MMRN1: variants seen among roughly 807,000 people sequenced by gnomAD.
MMRN1 encodes multimerin 1, also known as multimerin-1.
A neutral mutation model predicts 100.7 loss-of-function variants in MMRN1; 94 were observed. The ratio of observed to expected loss-of-function variants is 0.93; its 90% CI spans 0.79 to 1.11. The LOEUF (loss-of-function observed/expected upper bound fraction) is 1.11, where lower values mean the gene tolerates loss of function less well. Among genes scored for constraint, MMRN1 ranks in the 50% least tolerant of loss-of-function variants. The pLI is 0.00. For synonymous variants in MMRN1, 575 were observed against 505.0 expected (o/e 1.14, Z -1.86); for missense variants, 1,606 against 1,439.1 (o/e 1.12, Z -1.88).
At chr4:89,907,874 C>T (rs2110593625) in intron 1 of MMRN1, among the ~76,000 whole-genome samples, 1 of 144,844 alleles carries the variant, frequency 6.9e-6, no homozygotes. Context: ...ATATACTGGT[C>T]CTGTTTTGCT....
chr4:89,894,350 T>C (rs1186447255), upstream of MMRN1, among the ~76,000 whole-genome samples: 1 of 152,180 alleles, frequency 6.6e-6, no homozygotes, highest in Non-Finnish European at 1.5e-5. Context: ...TAGAAAGATA[T>C]ACATGTATGT....
intron 3 of MMRN1, among the ~76,000 whole-genome samples, chr4:89,914,979 T>A (rs1164750414): frequency 6.6e-6 from 1 of 151,614 alleles, no homozygotes; most frequent in Non-Finnish European, 1.5e-5. Context: ...AGGTATCTTA[T>A]AACATTCTGT....
chr4:89,939,452 AT>A (rs1348283550), intron 6 of MMRN1, among the ~76,000 whole-genome samples: 5 of 152,164 alleles, frequency 3.3e-5, no homozygotes, highest in African/African-American at 1.2e-4. Context: ...ATTGGTTAGT[AT>A]TCATTAACAT....
At chr4:89,931,617 TG>T (rs1354949423) in intron 5 of MMRN1, among the ~76,000 whole-genome samples, 1 of 152,158 alleles carries the variant, frequency 6.6e-6, no homozygotes. Context: ...TCCACATGGC[TG>T]GGGAGGCCTC....
chr4:89,951,022 CATG>C (rs1177793997), intron 6 of MMRN1, among the ~76,000 whole-genome samples: 1 of 152,014 alleles, frequency 6.6e-6, no homozygotes, highest in African/African-American at 2.4e-5. Context: ...TTAGGTCAAA[CATG>C]ATAATGTTTT....
intron 5 of MMRN1, among the ~76,000 whole-genome samples, chr4:89,931,932 C>A (rs1722452843): frequency 6.6e-6 from 1 of 152,114 alleles, no homozygotes; most frequent in Non-Finnish European, 1.5e-5. Context: ...ATTTCAAAAC[C>A]AATCATGCCT....
intron 1 of MMRN1, among the ~76,000 whole-genome samples, chr4:89,887,072 G>A (rs956113681): frequency 2.0e-5 from 3 of 152,014 alleles, no homozygotes; most frequent in African/African-American, 4.8e-5. Flanking sequence ...GAGAGCAAAT[G>A]TTTTAGCTCC....
intron 1 of MMRN1, among the ~76,000 whole-genome samples, chr4:89,897,519 A>G (rs1333916029): frequency 1.3e-5 from 2 of 152,130 alleles, no homozygotes; most frequent in Non-Finnish European, 1.5e-5. Context: ...GAATTTTTTA[A>G]TAGAAAGGGA....
chr4:89,893,434 G>T (rs1349705919), upstream of MMRN1, among the ~76,000 whole-genome samples: 1 of 152,058 alleles, frequency 6.6e-6, no homozygotes, highest in Non-Finnish European at 1.5e-5. Flanking sequence ...AAATCCTGGT[G>T]CACTGTGTCC....
At position 89,936,491 on chromosome 4, in the gene MMRN1, T is replaced by C; in HGVS notation, c.2811T>C (p.Ser937=). The part of the protein sequence containing the change: ...VLTMCHNAST[S]VSELNATIPK... ...CAATGTGTCACAATGCTTCTACAAG[T>C]GTGTCAGAACTGAATGCTACCATCC... Residue 937 remains serine (S), a synonymous_variant, in exon 6 of 8, where the codon AGT becomes AGC. Transcript: ENST00000264790. 1 of 1,613,226 alleles carries C rather than the reference T, an allele frequency of 6.2e-7. No homozygotes were observed. Among genetic ancestry groups the C allele is most frequent in the South Asian group, 1.1e-5 (1 of 91,002 alleles).
Position 89,895,152 on chromosome 4 carries a change from A to G in MMRN1, c.181A>G (p.Met61Val). 6.2e-7 allele frequency: 1 copy of G among 1,613,886 alleles called. No individual in the cohort carries two copies. Among genetic ancestry groups the G allele is most frequent in the Non-Finnish European group, 8.5e-7 (1 of 1,179,904 alleles). Reference protein sequence around the residue: ...SLQILPTTRVMSAEIATTPEA... With the variant: ...SLQILPTTRVVSAEIATTPEA... The stretch of plus-strand genomic sequence containing the variant: ...GCAAATACTGCCAACCACTCGGGTC[A>G]TGTCGGCGGAGATAGCTACAACTCC... Residue 61 changes from methionine (M) to valine (V), a missense_variant, in exon 1 of 8, where the codon ATG becomes GTG. Transcript: ENST00000264790.
At chr4:89,891,852 C>T (rs1721062482), upstream of MMRN1, among the ~76,000 whole-genome samples, 1 of 151,876 alleles carries the variant, frequency 6.6e-6, no homozygotes, top group South Asian at 2.1e-4. Context: ...AAAACAGCTG[C>T]TGAAAAATCC....
chr4:89,905,549 TG>T (rs1303946756), intron 1 of MMRN1, among the ~76,000 whole-genome samples: 1 of 151,330 alleles, frequency 6.6e-6, no homozygotes, highest in East Asian at 1.9e-4. Flanking sequence ...GACGCATGGG[TG>T]GGTATTAGGT....
At chr4:89,936,832 T>C (rs1722662511) in intron 6 of MMRN1, 34 bp downstream of exon 6, 1 of 1,519,898 alleles carries the variant, frequency 6.6e-7, no homozygotes, top group South Asian at 1.3e-5. Flanking sequence ...TTTTAATCTC[T>C]CTTTTTACTT....
chr4:89,933,490 A>T (rs1415123538), intron 5 of MMRN1, among the ~76,000 whole-genome samples: 2 of 152,188 alleles, frequency 1.3e-5, no homozygotes, highest in Non-Finnish European at 2.9e-5. Context: ...ATTTTTATGC[A>T]GCTATGAAAT....
At chr4:89,884,832 TA>T (rs1720900611) in intron 1 of MMRN1, among the ~76,000 whole-genome samples, 1 of 152,194 alleles carries the variant, frequency 6.6e-6, no homozygotes, top group African/African-American at 2.4e-5. Flanking sequence ...TACAGCACTT[TA>T]CATTTTCCTT....
At chr4:89,942,611 AGG>A (rs1325984782) in intron 6 of MMRN1, among the ~76,000 whole-genome samples, 5 of 152,200 alleles carry the variant, frequency 3.3e-5, no homozygotes, top group Admixed American at 6.5e-5. Flanking sequence ...TTATTATTTT[AGG>A]ATATAAACCT....
chr4:89,903,152 T>A (rs1721445611), intron 1 of MMRN1, among the ~76,000 whole-genome samples: 1 of 151,910 alleles, frequency 6.6e-6, no homozygotes, highest in South Asian at 2.1e-4. Flanking sequence ...TCTTTTTTCA[T>A]GTATATATTT....
rs1214523110 is a variant in MMRN1, at chr4:89,909,290, A to G, written c.638A>G (p.Tyr213Cys). Residue 213 changes from tyrosine to cysteine, a missense_variant, in exon 2 of 8, where the codon TAT (tyrosine) becomes TGT (cysteine). Physicochemically the swap from Tyr to Cys is radical, Grantham distance 194 (BLOSUM62 -2). Transcript: ENST00000264790. Reference protein sequence around the residue: ...ETTRGKNWCAYVHTRLSPTVI... With the variant: ...ETTRGKNWCACVHTRLSPTVI... ...ATCTTCTTTAGGAATTGGTGTGCTTATGTACATACCAGGTTATCTCCCACA... is the reference window on the plus strand; with the variant it reads ...ATCTTCTTTAGGAATTGGTGTGCTTGTGTACATACCAGGTTATCTCCCACA... 6.2e-7 allele frequency: 1 copy of G among 1,609,130 alleles called. No individual in the cohort carries two copies. Among genetic ancestry groups the G allele is most frequent in the Non-Finnish European group, 8.5e-7 (1 of 1,177,016 alleles).
Sources: allele counts gnomAD v4.1 joint callset (sites outside exome capture counted in the v4.1 genomes callset), GRCh38; gene constraint gnomAD v4.1.1; transcripts MANE v1.5; gene names NCBI Gene and HGNC (gene_info 2026-07-23, HGNC 2026-07-21).